Variants in CLSTN2 observed in about 807,000 individuals in gnomAD.
The protein encoded by CLSTN2 is calsyntenin 2, also known as calsyntenin-2.
A neutral mutation model predicts 101.2 loss-of-function variants in CLSTN2; 48 were observed. That is an observed-to-expected ratio of 0.47 (90% CI 0.38 to 0.60). CLSTN2 has a LOEUF of 0.60. Ranked by LOEUF, CLSTN2 falls within the 20% of genes least tolerant of loss-of-function variation. The pLI, the probability that CLSTN2 is intolerant of heterozygous loss-of-function variation, is 0.00. For missense variants in CLSTN2, 1,160 were observed against 1,238.2 expected, an observed-to-expected ratio of 0.94 and a Z score of 0.95; for synonymous variants, 481 against 463.6, an observed-to-expected ratio of 1.04 and a Z score of -0.48.
intron 1 of CLSTN2, among the ~76,000 whole-genome samples, chr3:140,015,862 C>G (rs190113521): frequency 1.3e-5 from 2 of 152,376 alleles, no homozygotes; most frequent in Admixed American, 6.5e-5. Flanking sequence ...TTTCTGACCA[C>G]TTTCCCTCCT....
intron 1 of CLSTN2, among the ~76,000 whole-genome samples, chr3:140,101,642 A>G (rs1164957781): frequency 1.3e-5 from 2 of 152,234 alleles, no homozygotes; most frequent in Non-Finnish European, 2.9e-5. Context: ...TCTCAATGGT[A>G]TAATAAAATA....
chr3:140,338,201 T>A (rs2087460907), intron 2 of CLSTN2, among the ~76,000 whole-genome samples: 1 of 152,198 alleles, frequency 6.6e-6, no homozygotes. Context: ...CTGATCTCTC[T>A]CTCTCTCTTT....
intron 8 of CLSTN2, among the ~76,000 whole-genome samples, chr3:140,528,314 T>G (rs905379044): frequency 6.6e-6 from 1 of 152,030 alleles, no homozygotes; most frequent in Admixed American, 6.6e-5. Flanking sequence ...ATAAAAGCAA[T>G]CCAAGTCCTC....
At chr3:140,179,471 T>A (rs1168631007) in intron 2 of CLSTN2, among the ~76,000 whole-genome samples, 1 of 150,696 alleles carries the variant, frequency 6.6e-6, no homozygotes, top group Non-Finnish European at 1.5e-5. Context: ...ACAATAATAA[T>A]AATAATTAAT....
chr3:140,314,305 T>C (rs908349722), intron 2 of CLSTN2, among the ~76,000 whole-genome samples: 2 of 152,230 alleles, frequency 1.3e-5, no homozygotes, highest in African/African-American at 4.8e-5. Context: ...CCTCCCTTAC[T>C]TGCTACCTTG....
At chr3:140,339,408 A>G (rs2087471172) in intron 2 of CLSTN2, among the ~76,000 whole-genome samples, 1 of 152,128 alleles carries the variant, frequency 6.6e-6, no homozygotes, top group African/African-American at 2.4e-5. Context: ...TGTGAAGAGT[A>G]ATTACAGGGA....
At chr3:140,144,626 A>G (rs1402438783) in intron 1 of CLSTN2, among the ~76,000 whole-genome samples, 5 of 152,140 alleles carry the variant, frequency 3.3e-5, no homozygotes, top group Non-Finnish European at 1.5e-5. Flanking sequence ...CAAAAAAAAA[A>G]GTACTTAAAA....
intron 2 of CLSTN2, among the ~76,000 whole-genome samples, chr3:140,285,603 G>A (rs1039216675): frequency 6.6e-6 from 1 of 152,170 alleles, no homozygotes; most frequent in African/African-American, 2.4e-5. Context: ...TCTCCCAGAA[G>A]GCTTGTTAAA....
At chr3:140,135,086 A>AC (rs746664999) in intron 1 of CLSTN2, among the ~76,000 whole-genome samples, 7,034 of 59,164 alleles carry the variant, frequency 0.12, 1,061 homozygotes, top group East Asian at 0.22. Flanking sequence ...CCTCTCAAAA[A>AC]AACACACACA....
chr3:140,081,246 A>G (rs79939327), intron 1 of CLSTN2, among the ~76,000 whole-genome samples: 1 of 152,204 alleles, frequency 6.6e-6, no homozygotes, highest in African/African-American at 2.4e-5. Context: ...CACAAATGTC[A>G]AGACACTACT....
intron 4 of CLSTN2, among the ~76,000 whole-genome samples, chr3:140,418,715 A>G (rs993350212): frequency 1.3e-5 from 2 of 151,560 alleles, no homozygotes; most frequent in Admixed American, 1.3e-4. Flanking sequence ...ACAGGGTTTC[A>G]CCTTGTTGGT....
chr3:140,352,425 C>T (rs2087618655), intron 2 of CLSTN2, among the ~76,000 whole-genome samples: 1 of 152,208 alleles, frequency 6.6e-6, no homozygotes, highest in Non-Finnish European at 1.5e-5. Flanking sequence ...TCAAGCTGGA[C>T]TCAGAAACCA....
At chr3:140,472,097 T>C (rs993610234) in intron 8 of CLSTN2, among the ~76,000 whole-genome samples, 3 of 152,030 alleles carry the variant, frequency 2.0e-5, no homozygotes, top group Non-Finnish European at 2.9e-5. Flanking sequence ...AAACTCCCCG[T>C]ATGAGGGGAG....
chr3:140,236,824 A>T (rs1012037522), intron 2 of CLSTN2, among the ~76,000 whole-genome samples: 28 of 125,844 alleles, frequency 2.2e-4, no homozygotes, highest in Admixed American at 2.1e-3. Context: ...TATGTTATAT[A>T]GTGTGTGTGT....
chr3:140,433,961 T>C (rs1007641156), intron 5 of CLSTN2, among the ~76,000 whole-genome samples: 10 of 152,158 alleles, frequency 6.6e-5, no homozygotes, highest in African/African-American at 2.4e-4. Flanking sequence ...TGCAGGTTGA[T>C]AACATGTGTA....
chr3:140,114,008 G>A (rs1325660363), intron 1 of CLSTN2, among the ~76,000 whole-genome samples: 1 of 152,148 alleles, frequency 6.6e-6, no homozygotes, highest in Admixed American at 6.5e-5. Context: ...AAGCTCTGGG[G>A]ATCTGGTGAT....
intron 7 of CLSTN2, chr3:140,462,940 T>C (rs903838578): frequency 6.6e-6 from 1 of 152,238 alleles, no homozygotes; most frequent in African/African-American, 2.4e-5. Flanking sequence ...TGCCACAACT[T>C]GGTCACATTG....
At chr3:140,017,233 C>G (rs1444998166) in intron 1 of CLSTN2, among the ~76,000 whole-genome samples, 1 of 152,160 alleles carries the variant, frequency 6.6e-6, no homozygotes, top group Non-Finnish European at 1.5e-5. Context: ...ATGGCTTGAG[C>G]CTGGGCAGGT....
Position 140,088,125 on chromosome 3 carries a change from G to A in CLSTN2, c.110-87826G>A, listed in dbSNP as rs140396651. On this transcript the variant is annotated intron_variant, in intron 1 of 16. Transcript: ENST00000458420. ...TGGATTATTTTGTGGCCCATTATTCGTTTCCCCCCTAAGAAAACCAGATGC... is the reference window on the plus strand; with the variant it reads ...TGGATTATTTTGTGGCCCATTATTCATTTCCCCCCTAAGAAAACCAGATGC... 3.2e-3 allele frequency among the ~76,000 whole-genome samples: 487 copies of A among 152,150 alleles called. 2 individuals are homozygous for A. Among genetic ancestry groups the A allele is most frequent in the Middle Eastern group, 0.014 (4 of 294 alleles).
Sources: allele counts gnomAD v4.1 joint callset (sites outside exome capture counted in the v4.1 genomes callset), GRCh38; gene constraint gnomAD v4.1.1; transcripts MANE v1.5; gene names NCBI Gene and HGNC (gene_info 2026-07-23, HGNC 2026-07-21).